Variants in CNTNAP2 observed in about 807,000 individuals in gnomAD.
CNTNAP2 encodes contactin associated protein 2.
Under a neutral mutation model 155.2 loss-of-function variants are expected in CNTNAP2, and 98 were observed. That is an observed-to-expected ratio of 0.63 (90% CI 0.54 to 0.75). The LOEUF (loss-of-function observed/expected upper bound fraction) is 0.75. Ranked by LOEUF, CNTNAP2 falls within the 30% of genes least tolerant of loss-of-function variation. CNTNAP2 has a pLI of 0.00. For synonymous variants in CNTNAP2, 651 were observed against 631.2 expected (o/e 1.03, Z -0.47); for missense variants, 1,727 against 1,688.1 (o/e 1.02, Z -0.40).
chr7:146,399,712 T>C (rs1254264520), intron 1 of CNTNAP2, among the ~76,000 whole-genome samples: 1 of 152,146 alleles, frequency 6.6e-6, no homozygotes, highest in Non-Finnish European at 1.5e-5. Context: ...TACCATATGG[T>C]AGTTCTATTT....
At chr7:146,837,852 T>C (rs1803647833) in intron 2 of CNTNAP2, among the ~76,000 whole-genome samples, 1 of 152,160 alleles carries the variant, frequency 6.6e-6, no homozygotes, top group South Asian at 2.1e-4. Flanking sequence ...CCTGGAGGGA[T>C]TCAACAAGGT....
intron 1 of CNTNAP2, among the ~76,000 whole-genome samples, chr7:146,398,293 A>G (rs1795663270): frequency 6.6e-6 from 1 of 150,988 alleles, no homozygotes; most frequent in Non-Finnish European, 1.5e-5. Flanking sequence ...AGGGCTAGGA[A>G]GGAATCAGGG....
chr7:148,062,028 AGTGTGTGTGTGTGTGT>A (rs199528714), intron 15 of CNTNAP2, among the ~76,000 whole-genome samples: 68 of 105,998 alleles, frequency 6.4e-4, no homozygotes, highest in East Asian at 1.6e-3. Flanking sequence ...AGAGAGAGAG[AGTGTGTGTGTGTGTGT>A]GTGTGTGTGT....
At chr7:148,087,010 A>T (rs1253139115) in intron 15 of CNTNAP2, among the ~76,000 whole-genome samples, 2 of 152,132 alleles carry the variant, frequency 1.3e-5, no homozygotes, top group Non-Finnish European at 2.9e-5. Context: ...TTGGAAATTT[A>T]AAAAAATAGT....
At chr7:148,137,507 A>G (rs996597683) in intron 16 of CNTNAP2, among the ~76,000 whole-genome samples, 1 of 152,148 alleles carries the variant, frequency 6.6e-6, no homozygotes, top group African/African-American at 2.4e-5. Context: ...TAAAAATACA[A>G]AAGAATTAGC....
At chr7:146,535,290 ATGTATAT>A (rs1797846035) in intron 1 of CNTNAP2, among the ~76,000 whole-genome samples, 2 of 56,696 alleles carry the variant, frequency 3.5e-5, no homozygotes, top group African/African-American at 3.0e-4. Context: ...ATATTATATA[ATGTATAT>A]TATATATGAT....
chr7:148,211,306 G>A (rs1795545082), intron 18 of CNTNAP2, among the ~76,000 whole-genome samples: 2 of 152,238 alleles, frequency 1.3e-5, no homozygotes, highest in Admixed American at 6.5e-5. Flanking sequence ...GAAGAGGTAG[G>A]AGAGCGCATT....
intron 13 of CNTNAP2, among the ~76,000 whole-genome samples, chr7:147,859,227 C>T (rs1252751839): frequency 6.6e-6 from 1 of 152,008 alleles, no homozygotes; most frequent in African/African-American, 2.4e-5. Context: ...TAGGGATCGA[C>T]AGCATCTCAA....
At chr7:146,347,829 G>A (rs949067856) in intron 1 of CNTNAP2, among the ~76,000 whole-genome samples, 2 of 152,184 alleles carry the variant, frequency 1.3e-5, no homozygotes, top group African/African-American at 2.4e-5. Flanking sequence ...TCCTCCCATA[G>A]TGTTGGGATT....
intron 1 of CNTNAP2, among the ~76,000 whole-genome samples, chr7:146,639,879 G>C (rs1287325459): frequency 6.6e-6 from 1 of 152,238 alleles, no homozygotes; most frequent in Non-Finnish European, 1.5e-5. Flanking sequence ...GTCCGAAGAA[G>C]AGGGAAGGCA....
intron 3 of CNTNAP2, among the ~76,000 whole-genome samples, chr7:147,009,120 A>C (rs1798578274): frequency 6.6e-6 from 1 of 152,140 alleles, no homozygotes; most frequent in South Asian, 2.1e-4. Context: ...AAACACAAAC[A>C]CATACACAAA....
chr7:148,291,793 A>G (rs1797195423), intron 21 of CNTNAP2, among the ~76,000 whole-genome samples: 1 of 152,240 alleles, frequency 6.6e-6, no homozygotes, highest in Admixed American at 6.5e-5. Context: ...GTTGTATACC[A>G]CAAATATATG....
chr7:146,459,285 G>A (rs1235770477), intron 1 of CNTNAP2, among the ~76,000 whole-genome samples: 2 of 152,256 alleles, frequency 1.3e-5, no homozygotes, highest in Non-Finnish European at 1.5e-5. Flanking sequence ...GTTATGTGTA[G>A]GTCCATGCGT....
intron 1 of CNTNAP2, among the ~76,000 whole-genome samples, chr7:146,446,214 C>A (rs925891307): frequency 1.4e-4 from 21 of 152,024 alleles, no homozygotes; most frequent in African/African-American, 5.1e-4. Flanking sequence ...TAATAATAAT[C>A]ATGATAATAT....
chr7:146,681,278 A>T, intron 1 of CNTNAP2, among the ~76,000 whole-genome samples: 1 of 150,846 alleles, frequency 6.6e-6, no homozygotes, highest in East Asian at 2.0e-4. Context: ...TTTGGGAGAC[A>T]GGAGGGGTTG....
intron 3 of CNTNAP2, among the ~76,000 whole-genome samples, chr7:146,859,194 A>G (rs966386771): frequency 1.3e-5 from 2 of 152,246 alleles, no homozygotes; most frequent in Non-Finnish European, 2.9e-5. Context: ...AGAACAAGTC[A>G]AATCTTAAAA....
chr7:146,970,932 A>G (rs1269975540), intron 3 of CNTNAP2, among the ~76,000 whole-genome samples: 1 of 152,166 alleles, frequency 6.6e-6, no homozygotes, highest in Non-Finnish European at 1.5e-5. Flanking sequence ...GAAATTGGAA[A>G]TCATCATTCT....
intron 13 of CNTNAP2, among the ~76,000 whole-genome samples, chr7:147,868,418 C>G (rs916362138): frequency 5.3e-5 from 8 of 152,184 alleles, no homozygotes; most frequent in African/African-American, 1.9e-4. Flanking sequence ...TTAGGCTACA[C>G]AGGGGTCAGG....
intron 3 of CNTNAP2, among the ~76,000 whole-genome samples, chr7:146,910,566 A>G (rs950427200): frequency 1.7e-4 from 26 of 151,396 alleles, no homozygotes; most frequent in Admixed American, 8.5e-4. Flanking sequence ...AGGATTCCCT[A>G]TTTAATAAAT....
Sources: allele counts gnomAD v4.1 joint callset (sites outside exome capture counted in the v4.1 genomes callset), GRCh38; gene constraint gnomAD v4.1.1; transcripts MANE v1.5; gene names NCBI Gene and HGNC (gene_info 2026-07-23, HGNC 2026-07-21).